Variants in CFAP97D2 observed in about 807,000 individuals in gnomAD.
CFAP97D2 encodes CFAP97 domain containing 2.
rs191394297 is a variant in CFAP97D2, at chr13:114,182,581, C to T, written c.90+3161C>T. Among the ~76,000 whole-genome samples, 27 of 151,700 alleles carry T rather than the reference C, an allele frequency of 1.8e-4. 1 individual carries two copies. Among genetic ancestry groups the T allele is most frequent in the South Asian group, 1.7e-3 (8 of 4,746 alleles). On this transcript the variant is annotated intron_variant, in intron 1 of 4. Transcript: ENST00000646158. Reference sequence around the variant, plus strand: ...TGGGGAGAAACCTTGGACAATACCCCGCTTTCAAGGGCAGAGGTCCCTGCG... The same window carrying T: ...TGGGGAGAAACCTTGGACAATACCCTGCTTTCAAGGGCAGAGGTCCCTGCG...
intron 3 of CFAP97D2, among the ~76,000 whole-genome samples, chr13:114,210,853 G>GACACACACACAC (rs1417622434): frequency 2.5e-3 from 250 of 99,092 alleles, no homozygotes; most frequent in African/African-American, 0.011. Context: ...ACATTTCATT[G>GACACACACACAC]ATACACACAC....
Position 114,211,433 on chromosome 13 carries a change from T to C in CFAP97D2, c.291-479T>C, listed in dbSNP as rs1465555243. Among the ~76,000 whole-genome samples the C allele has an allele frequency of 1.3e-5, 2 of 152,192 alleles. No homozygotes were observed. Among genetic ancestry groups the C allele is most frequent in the Non-Finnish European group, 2.9e-5 (2 of 68,026 alleles). On this transcript the variant is annotated intron_variant, in intron 3 of 4. Transcript: ENST00000646158. This position sits in a 1 kb window ranked among gnomAD's most constrained non-coding sequence, Gnocchi z 4.2. ...TCCACATGTGCCAGACTCTGTGCAC[T>C]GCTAGACCCTCCAAAATCCAACCCC...
chr13:114,211,384 C>A lies in CFAP97D2; in HGVS notation c.291-528C>A, dbSNP rs1303227720. On this transcript the variant is annotated intron_variant, in intron 3 of 4. Coordinates refer to ENST00000646158, the Ensembl canonical transcript of CFAP97D2. This position sits in a 1 kb window ranked among gnomAD's most constrained non-coding sequence, Gnocchi z 4.2. ...AGTGCCTGCGGAGTCTGGTTTGAAGCCATTCAGTGGCTCCACACTGTCTTC... is the reference window on the plus strand; with the variant it reads ...AGTGCCTGCGGAGTCTGGTTTGAAGACATTCAGTGGCTCCACACTGTCTTC... 6.6e-6 allele frequency among the ~76,000 whole-genome samples: 1 copy of A among 152,186 alleles called. No homozygotes were observed. Among genetic ancestry groups the A allele is most frequent in the Non-Finnish European group, 1.5e-5 (1 of 68,030 alleles).
rs117293327 is a variant in CFAP97D2 at position 114,220,756 on chromosome 13, C to T, written c.481-1742C>T. On this transcript the variant is annotated intron_variant, in intron 4 of 4. Coordinates refer to ENST00000646158, the Ensembl canonical transcript of CFAP97D2. Reference sequence around the variant, plus strand: ...GAGCAAAATTAGCTGTTTAAATAATCGGCTGACTCAGTGCAGGTTGACACA... The same window carrying T: ...GAGCAAAATTAGCTGTTTAAATAATTGGCTGACTCAGTGCAGGTTGACACA... Among the ~76,000 whole-genome samples the T allele has an allele frequency of 1.0e-3, 152 of 152,280 alleles. 1 individual carries two copies. In the East Asian group the frequency reaches 0.026, roughly 26 times the overall value.
rs114491977 is a variant in CFAP97D2 at position 114,194,702 on chromosome 13, C to G, written c.91-1694C>G. On this transcript the variant is annotated intron_variant, in intron 1 of 4. Transcript: ENST00000646158. The stretch of plus-strand genomic sequence containing the variant: ...CACTGCTTCTACGTTTACCAACTGG[C>G]ATTTTGCTGTAAGGAAACACTCCCT... Among the ~76,000 whole-genome samples, 424 of 145,598 alleles carry G rather than the reference C, an allele frequency of 2.9e-3. 4 individuals are homozygous for G. Among genetic ancestry groups the G allele is most frequent in the African/African-American group, 0.01 (390 of 37,644 alleles).
At chr13:114,193,529 C>T (rs540305218) in intron 1 of CFAP97D2, among the ~76,000 whole-genome samples, 2 of 152,016 alleles carry the variant, frequency 1.3e-5, no homozygotes, top group Non-Finnish European at 2.9e-5. Flanking sequence ...ACTCTGTGTC[C>T]CCATGTAGCA....
intron 4 of CFAP97D2, among the ~76,000 whole-genome samples, chr13:114,220,872 G>T (rs187381614): frequency 6.6e-6 from 1 of 152,336 alleles, no homozygotes; most frequent in South Asian, 2.1e-4. Context: ...CCCCATTCTC[G>T]CTTCTAAAGA....
At position 114,208,760 on chromosome 13, in the gene CFAP97D2, C is replaced by T. The variant is rs549566729; in HGVS notation, c.291-3152C>T. Among the ~76,000 whole-genome samples the T allele has an allele frequency of 2.0e-4, 30 of 152,298 alleles. 1 individual carries two copies. In the East Asian group the frequency reaches 5.8e-3, roughly 29 times the overall value. ...ATCCATGGTTTTCTGGACTATGTGCCAAATCTCCCAGCCCATGTCTCTAGG... is the reference window on the plus strand; with the variant it reads ...ATCCATGGTTTTCTGGACTATGTGCTAAATCTCCCAGCCCATGTCTCTAGG... On this transcript the variant is annotated intron_variant, in intron 3 of 4. Transcript: ENST00000646158.
intron 2 of CFAP97D2, among the ~76,000 whole-genome samples, chr13:114,198,683 G>GCTC (rs1566613630): frequency 1.5e-5 from 1 of 67,762 alleles, no homozygotes; most frequent in African/African-American, 7.3e-5. Context: ...CGTGACAGTG[G>GCTC]GTCCCCGTGC....
intron 4 of CFAP97D2, among the ~76,000 whole-genome samples, chr13:114,219,690 A>T (rs1165210092): frequency 1.3e-5 from 2 of 152,248 alleles, no homozygotes; most frequent in Non-Finnish European, 2.9e-5. Flanking sequence ...CTTGCAGGAC[A>T]CTGGCTCCGA....
intron 1 of CFAP97D2, among the ~76,000 whole-genome samples, chr13:114,182,292 A>G (rs560511932): frequency 8.2e-4 from 125 of 152,264 alleles, no homozygotes; most frequent in African/African-American, 2.8e-3. Context: ...AAGAATAACA[A>G]GGCAGCATTA....
chr13:114,204,776 G>C (rs74784872), intron 3 of CFAP97D2, among the ~76,000 whole-genome samples: 432 of 152,276 alleles, frequency 2.8e-3, no homozygotes, highest in African/African-American at 9.6e-3. Flanking sequence ...TGGCAATGGA[G>C]TCTAAGATAT....
At chr13:114,204,367 TCG>T (rs1171656972) in intron 3 of CFAP97D2, among the ~76,000 whole-genome samples, 1 of 152,254 alleles carries the variant, frequency 6.6e-6, no homozygotes, top group East Asian at 1.9e-4. Context: ...GGCAGACTTG[TCG>T]CTTACCTGCT....
At chr13:114,182,260 G>T (rs9562132) in intron 1 of CFAP97D2, among the ~76,000 whole-genome samples, 2 of 143,872 alleles carry the variant, frequency 1.4e-5, no homozygotes. Context: ...GTTTCTCTCC[G>T]CCCAAACATC....
In CFAP97D2 at chr13:114,186,912, G is replaced by T. The variant is rs2080854779; in HGVS notation, c.90+7492G>T. 2.0e-5 allele frequency among the ~76,000 whole-genome samples: 3 copies of T among 152,244 alleles called. No homozygotes were observed. In the South Asian group the frequency reaches 6.2e-4, roughly 31 times the overall value. On this transcript the variant is annotated intron_variant, in intron 1 of 4. Coordinates refer to ENST00000646158, the Ensembl canonical transcript of CFAP97D2. The surrounding 1 kb of genome is among the most constrained non-coding windows in gnomAD (Gnocchi z 4.3). ...CAGTAGCATGAGCTGAGCACAGCCT[G>T]CCAGTCCAAGTGGGCCCAGTGGGCC... is the stretch of plus-strand genomic sequence containing the variant.
chr13:114,181,013 G>A (rs955584759), intron 1 of CFAP97D2, among the ~76,000 whole-genome samples: 10 of 152,208 alleles, frequency 6.6e-5, no homozygotes, highest in Admixed American at 2.6e-4. Context: ...GCTCTGTGAC[G>A]TCGGAAACCT....
At chr13:114,205,150 G>A (rs1015214882) in intron 3 of CFAP97D2, among the ~76,000 whole-genome samples, 2 of 152,206 alleles carry the variant, frequency 1.3e-5, no homozygotes, top group African/African-American at 4.8e-5. Context: ...CAGATTGACT[G>A]GAATCAAAAT....
intron 4 of CFAP97D2, among the ~76,000 whole-genome samples, chr13:114,219,250 C>A (rs2081009125): frequency 6.6e-6 from 1 of 152,120 alleles, no homozygotes; most frequent in African/African-American, 2.4e-5. Context: ...CATAATTTTG[C>A]ATTTTAACCT....
At chr13:114,215,207 T>A (rs2080988242) in intron 4 of CFAP97D2, among the ~76,000 whole-genome samples, 1 of 152,250 alleles carries the variant, frequency 6.6e-6, no homozygotes, top group Admixed American at 6.5e-5. Context: ...AGTAAATATA[T>A]TTTTAAACTT....
Sources: allele counts gnomAD v4.1 joint callset (sites outside exome capture counted in the v4.1 genomes callset), GRCh38; gene constraint gnomAD v4.1.1; non-coding constraint Gnocchi (gnomAD v3.1); transcripts MANE v1.5; gene names NCBI Gene and HGNC (gene_info 2026-07-23, HGNC 2026-07-21).